The following ASCC1 variants were observed in gnomAD, a reference collection of about 807,000 sequenced individuals.
ASCC1 encodes ASC-1 complex subunit P50.
In ASCC1, 35 loss-of-function variants were observed where a neutral mutation model predicts 46.6. The observed-to-expected ratio is 0.75, with a 90% CI of 0.57 to 0.99. The LOEUF (loss-of-function observed/expected upper bound fraction) is 0.99. ASCC1 is among the 50% of genes least tolerant of loss of function. The pLI is 0.00. For missense variants in ASCC1, 376 were observed against 428.7 expected (o/e 0.88, Z 1.09); for synonymous variants, 143 against 146.6 (o/e 0.98, Z 0.18).
intron 7 of ASCC1, among the ~76,000 whole-genome samples, chr10:72,141,394 T>C (rs1458212874): frequency 6.6e-6 from 1 of 152,202 alleles, no homozygotes; most frequent in African/African-American, 2.4e-5. Context: ...ATCAATTTGA[T>C]TTTGATGACC....
At chr10:72,192,441 C>T (rs569410351) in intron 5 of ASCC1, among the ~76,000 whole-genome samples, 5 of 144,180 alleles carry the variant, frequency 3.5e-5, no homozygotes, top group East Asian at 2.0e-4. Flanking sequence ...AGTGACAGGG[C>T]GAGACTCCGT....
intron 7 of ASCC1, among the ~76,000 whole-genome samples, chr10:72,142,459 C>A (rs1054620827): frequency 6.6e-6 from 1 of 151,928 alleles, no homozygotes; most frequent in African/African-American, 2.4e-5. Flanking sequence ...CTCCACCTCC[C>A]AGGCTCAGAC....
At chr10:72,120,938 G>A (rs1185618977) in intron 9 of ASCC1, among the ~76,000 whole-genome samples, 1 of 152,102 alleles carries the variant, frequency 6.6e-6, no homozygotes, top group African/African-American at 2.4e-5. Flanking sequence ...CAGAAAAAGT[G>A]TGGGAGGCAA....
intron 5 of ASCC1, among the ~76,000 whole-genome samples, chr10:72,166,756 C>A (rs2132763979): frequency 6.6e-6 from 1 of 151,896 alleles, no homozygotes; most frequent in African/African-American, 2.4e-5. Flanking sequence ...ATACATAATC[C>A]AATTTTAAAA....
intron 7 of ASCC1, among the ~76,000 whole-genome samples, chr10:72,139,233 C>T (rs963135642): frequency 1.3e-5 from 2 of 151,386 alleles, no homozygotes; most frequent in African/African-American, 4.9e-5. Flanking sequence ...CCTGCCTCAG[C>T]CTCCCGAGCA....
At chr10:72,191,530 C>T (rs1024861643) in intron 5 of ASCC1, among the ~76,000 whole-genome samples, 5 of 151,574 alleles carry the variant, frequency 3.3e-5, no homozygotes, top group Admixed American at 2.6e-4. Context: ...AAAAAATGAA[C>T]CATGACCTAA....
At chr10:72,163,374 C>T (rs986950506) in intron 5 of ASCC1, among the ~76,000 whole-genome samples, 1 of 152,140 alleles carries the variant, frequency 6.6e-6, no homozygotes, top group Non-Finnish European at 1.5e-5. Context: ...AAATGTATAT[C>T]AACAGATGAA....
At chr10:72,191,137 T>A (rs1393613042) in intron 5 of ASCC1, among the ~76,000 whole-genome samples, 1 of 148,554 alleles carries the variant, frequency 6.7e-6, no homozygotes, top group East Asian at 2.0e-4. Context: ...GGCTCACTGC[T>A]ACCTCCGCCT....
intron 8 of ASCC1, among the ~76,000 whole-genome samples, chr10:72,131,875 T>C (rs1041515214): frequency 1.8e-4 from 7 of 38,726 alleles, no homozygotes; most frequent in Non-Finnish European, 3.5e-4. Context: ...CTAGATAGAT[T>C]TTTTTTTTTT....
chr10:72,161,411 TG>T, intron 6 of ASCC1, 126 bp downstream of exon 6: 1 of 1,192,014 alleles, frequency 8.4e-7, no homozygotes. Context: ...ATTGCCTGAG[TG>T]GGCTCCATCA....
rs143900140 is a variant in ASCC1, at chr10:72,126,929, C to T, written c.957+1153G>A. On this transcript the variant is annotated intron_variant, in intron 9 of 9. Coordinates refer to ENST00000672957, the MANE Select transcript of ASCC1 (RefSeq NM_001198800.3). The stretch of plus-strand genomic sequence containing the variant: ...AAGGACTCAGCATAGCTCTGCAATG[C>T]AGGTGCGGGAATGCCTGAGACGATG... Among the ~76,000 whole-genome samples the T allele has an allele frequency of 2.0e-5, 3 of 152,284 alleles. No homozygotes were observed. In the East Asian group the frequency reaches 5.8e-4, roughly 29 times the overall value.
intron 7 of ASCC1, among the ~76,000 whole-genome samples, chr10:72,136,347 C>T (rs559983492): frequency 5.9e-5 from 9 of 151,868 alleles, no homozygotes; most frequent in South Asian, 4.2e-4. Context: ...TCTATGAAAA[C>T]GCACCAATCA....
chr10:72,153,588 C>A (rs1190248422), intron 6 of ASCC1, among the ~76,000 whole-genome samples: 1 of 150,064 alleles, frequency 6.7e-6, no homozygotes, highest in Non-Finnish European at 1.5e-5. Flanking sequence ...ACCACGCCCG[C>A]CTAATTTTTT....
At chr10:72,109,300 C>T (rs1842675065) in intron 9 of ASCC1, among the ~76,000 whole-genome samples, 1 of 152,042 alleles carries the variant, frequency 6.6e-6, no homozygotes, top group Non-Finnish European at 1.5e-5. Context: ...ATCAGCAGGC[C>T]ACTCCTGTTT....
chr10:72,132,243 G>A (rs1845697507), intron 8 of ASCC1, among the ~76,000 whole-genome samples: 1 of 152,102 alleles, frequency 6.6e-6, no homozygotes, highest in Admixed American at 6.5e-5. Flanking sequence ...CCTTGGTGCT[G>A]CTAGTGTATT....
intron 7 of ASCC1, among the ~76,000 whole-genome samples, chr10:72,149,167 G>T (rs868019436): frequency 1.3e-4 from 20 of 151,604 alleles, no homozygotes; most frequent in Admixed American, 4.6e-4. Context: ...GGCCGGGCAC[G>T]GTGGCTCATG....
chr10:72,213,487 C>T, intron 1 of ASCC1, 156 bp from the exon 2 acceptor site: 2 of 590,328 alleles, frequency 3.4e-6, no homozygotes, highest in Admixed American at 2.3e-5. Flanking sequence ...CATCTGTAAA[C>T]CAGTTTAGGT....
intron 7 of ASCC1, among the ~76,000 whole-genome samples, chr10:72,138,607 T>C (rs2132377308): frequency 7.0e-6 from 1 of 142,516 alleles, no homozygotes; most frequent in East Asian, 2.0e-4. Context: ...TTTCTTTTTT[T>C]TTTTTTTTTT....
intron 5 of ASCC1, among the ~76,000 whole-genome samples, chr10:72,181,747 A>G (rs1852658110): frequency 1.3e-5 from 2 of 151,926 alleles, no homozygotes; most frequent in African/African-American, 4.8e-5. Context: ...GTGCAGTGGC[A>G]CCATCTCAGC....
Sources: gnomAD v4.1 joint callset for allele counts (sites outside exome capture counted in the v4.1 genomes callset) on GRCh38, gnomAD v4.1.1 for gene constraint, MANE v1.5 for transcripts, NCBI Gene and HGNC (gene_info 2026-07-23, HGNC 2026-07-21) for gene names.